BPTF: variants seen among roughly 807,000 people sequenced by gnomAD.
BPTF encodes bromodomain PHD finger transcription factor.
In BPTF, 18 loss-of-function variants were observed where a neutral mutation model predicts 292.5. The ratio of observed to expected loss-of-function variants is 0.06; its 90% CI spans 0.04 to 0.09. The LOEUF is 0.09. Ranked by LOEUF, BPTF falls within the 10% of genes least tolerant of loss-of-function variation. The pLI, the probability that BPTF is intolerant of heterozygous loss-of-function variation, is 1.00. For synonymous variants in BPTF, 1,225 were observed against 1,251.9 expected, an observed-to-expected ratio of 0.98 and a Z score of 0.45; for missense variants, 2,726 against 3,498.7, an observed-to-expected ratio of 0.78 and a Z score of 5.57.
intron 3 of BPTF, among the ~76,000 whole-genome samples, chr17:67,869,708 G>A (rs1227885616): frequency 6.6e-6 from 1 of 151,740 alleles, no homozygotes; most frequent in East Asian, 1.9e-4. Context: ...AACCGGCAGG[G>A]CACAGTGGCT....
Position 67,959,795 on chromosome 17 carries a change from A to G in BPTF, c.8181A>G (p.Lys2727=), listed in dbSNP as rs1568186051. ...KDSSSKSKKK[K]MISTTSKETK... Reference sequence around the variant, plus strand: ...CCAGCTCAAAGTCCAAGAAAAAGAAAATGATCTCTACTACCTCAAAGGAAA... The same window carrying G: ...CCAGCTCAAAGTCCAAGAAAAAGAAGATGATCTCTACTACCTCAAAGGAAA... The change falls in exon 24 of 28, where the codon AAA becomes AAG. Residue 2727 remains lysine, a synonymous_variant. Transcript: ENST00000306378. 1 of 1,614,176 alleles carries G rather than the reference A, an allele frequency of 6.2e-7. No homozygotes were observed.
chr17:67,914,927 C>G (rs1434664767), intron 11 of BPTF, among the ~76,000 whole-genome samples: 1 of 152,114 alleles, frequency 6.6e-6, no homozygotes, highest in African/African-American at 2.4e-5. Context: ...TTTGCCAAAA[C>G]ATATTTGAGA....
chr17:67,920,523 C>T (rs2063361120), intron 13 of BPTF, among the ~76,000 whole-genome samples: 1 of 152,144 alleles, frequency 6.6e-6, no homozygotes, highest in South Asian at 2.1e-4. Flanking sequence ...AGGATTAAAA[C>T]TACTGTGAAA....
intron 24 of BPTF, 92 bp downstream of exon 24, chr17:67,959,967 T>A: frequency 1.0e-6 from 1 of 956,804 alleles, no homozygotes; most frequent in East Asian, 2.7e-5. Context: ...GGGAGTGATA[T>A]AAATGAAAAT....
At chr17:67,928,998 G>C (rs2064141548) in intron 16 of BPTF, 2 of 1,191,192 alleles carry the variant, frequency 1.7e-6, no homozygotes, top group African/African-American at 3.1e-5. Context: ...ACCATTGCCA[G>C]CACAGGTCAG....
chr17:67,864,237 A>G (rs1435166209), intron 2 of BPTF, among the ~76,000 whole-genome samples: 1 of 152,126 alleles, frequency 6.6e-6, no homozygotes, highest in South Asian at 2.1e-4. Flanking sequence ...TAAAAAAACA[A>G]CTTTTCAGCC....
chr17:67,959,237 G>A (rs1172688855), intron 23 of BPTF, among the ~76,000 whole-genome samples: 1 of 151,444 alleles, frequency 6.6e-6, no homozygotes, highest in Admixed American at 6.6e-5. Context: ...AAAGAGCCCA[G>A]ATGGGACAGG....
At position 67,825,838 on chromosome 17, in the gene BPTF, G is replaced by A; in HGVS notation, c.114G>A (p.Gly38=). The A allele has an allele frequency of 9.8e-7, 1 of 1,016,490 alleles. No homozygotes were observed. The highest frequency in any genetic ancestry group is 4.4e-5 in the South Asian group (1 of 22,482). The allele number at this position is 1,016,490 out of a possible 1,614,324, so 63.0% of individuals were successfully genotyped here. Residue 38 remains glycine (G), a synonymous_variant, in exon 1 of 28, where the codon GGG becomes GGA. Transcript: ENST00000306378. The part of the protein sequence containing the change: ...PPPPTSGPIG[G]LRSRHRGSSR... ...CGCCCACGTCCGGACCCATCGGGGG[G>A]CTCCGCTCGCGGCACCGCGGCAGCA...
At position 67,945,960 on chromosome 17, in the gene BPTF, C is replaced by T; in HGVS notation, c.7252C>T (p.Pro2418Ser). The change falls in exon 21 of 28, where the codon CCA becomes TCA. Residue 2418 changes from proline to serine, a missense_variant. By Grantham distance (74) the Pro-to-Ser change is moderately conservative. This residue lies in a region of BPTF where 570 missense variants were observed against 633.5 expected (regional missense o/e 0.90). Transcript: ENST00000306378. The stretch of plus-strand genomic sequence containing the variant: ...TTTAAATCAAGTTACTGTTTCATCC[C>T]CATCCCGTCCTCAGCTACAAATACA... ...QTLNQVTVSSPSRPQLQIQQP... is the reference protein window; with the variant it reads ...QTLNQVTVSSSSRPQLQIQQP... 6.2e-7 allele frequency: 1 copy of T among 1,614,188 alleles called. No homozygotes were observed. The highest frequency in any genetic ancestry group is 8.5e-7 in the Non-Finnish European group (1 of 1,180,036).
intron 2 of BPTF, among the ~76,000 whole-genome samples, chr17:67,862,285 G>A (rs567783923): frequency 6.6e-6 from 1 of 152,238 alleles, no homozygotes; most frequent in Admixed American, 6.5e-5. Flanking sequence ...CTAGTTACTT[G>A]TTTTAAGGTA....
intron 24 of BPTF, chr17:67,963,236 A>G: frequency 7.5e-7 from 1 of 1,338,268 alleles, no homozygotes; most frequent in Non-Finnish European, 9.9e-7. Context: ...AGGAAGTTAC[A>G]CTGTAAAAAA....
intron 7 of BPTF, among the ~76,000 whole-genome samples, chr17:67,902,697 G>C (rs2061927097): frequency 2.0e-5 from 3 of 152,240 alleles, no homozygotes; most frequent in Middle Eastern, 3.4e-3. Flanking sequence ...AAGTTGGGAG[G>C]GAGAGAAGAA....
chr17:67,843,583 G>A (rs1567880856), intron 1 of BPTF, among the ~76,000 whole-genome samples: 2 of 148,076 alleles, frequency 1.4e-5, no homozygotes. Flanking sequence ...ATATACAGAA[G>A]ATATATATCT....
chr17:67,849,828 C>G (rs1195448767), intron 1 of BPTF, among the ~76,000 whole-genome samples: 1 of 152,064 alleles, frequency 6.6e-6, no homozygotes, highest in Admixed American at 6.6e-5. Flanking sequence ...GTAGTCCCAG[C>G]TACTCGGGAG....
Position 67,912,592 on chromosome 17 carries a change from A to G in BPTF, c.4708A>G (p.Asn1570Asp). 6.2e-7 allele frequency: 1 copy of G among 1,613,198 alleles called. No individual in the cohort carries two copies. Among genetic ancestry groups the G allele is most frequent in the Non-Finnish European group, 8.5e-7 (1 of 1,179,822 alleles). ...TATTGATGAAAATGGTCTGCCCATC[A>G]ACAAAAATGAAAATGTCAATGGAGA... The part of the protein sequence containing the change: ...DFIDENGLPI[N>D]KNENVNGESK... The change falls in exon 11 of 28, where the codon AAC (asparagine) becomes GAC (aspartate). Residue 1570 changes from asparagine (N) to aspartate (D), a missense_variant. Coordinates refer to ENST00000306378, the MANE Select transcript of BPTF (RefSeq NM_182641.4).
intron 1 of BPTF, among the ~76,000 whole-genome samples, chr17:67,848,061 C>T (rs962690570): frequency 6.6e-6 from 1 of 152,170 alleles, no homozygotes; most frequent in Non-Finnish European, 1.5e-5. Flanking sequence ...CACTTTCTCT[C>T]AGATACCAAT....
chr17:67,928,736 G>GGTTGGT, intron 16 of BPTF, 135 bp downstream of exon 16: 1 of 1,187,940 alleles, frequency 8.4e-7, no homozygotes, highest in Non-Finnish European at 1.1e-6. Context: ...AAGCTGTAAC[G>GGTTGGT]GTTGGTTTGT....
intron 4 of BPTF, among the ~76,000 whole-genome samples, chr17:67,881,640 A>G (rs1401161558): frequency 6.6e-6 from 1 of 150,618 alleles, no homozygotes; most frequent in Non-Finnish European, 1.5e-5. Flanking sequence ...AGTAGCCAGG[A>G]CTATAGACGC....
intron 4 of BPTF, among the ~76,000 whole-genome samples, chr17:67,884,164 A>G (rs866999836): frequency 1.4e-5 from 2 of 145,988 alleles, no homozygotes; most frequent in South Asian, 4.3e-4. Context: ...TTTTGAAACA[A>G]TCTCGTGCTG....
Sources: gnomAD v4.1 joint callset for allele counts (sites outside exome capture counted in the v4.1 genomes callset) on GRCh38, gnomAD v4.1.1 for gene constraint, gnomAD v4.1.1 regional missense constraint, MANE v1.5 for transcripts, NCBI Gene and HGNC (gene_info 2026-07-23, HGNC 2026-07-21) for gene names.